Variants in EHD2 observed in about 807,000 individuals in gnomAD.
EHD2 encodes EH domain containing 2.
A neutral mutation model predicts 41.0 loss-of-function variants in EHD2; 27 were observed. The ratio of observed to expected loss-of-function variants is 0.66; its 90% CI spans 0.49 to 0.91. The LOEUF (loss-of-function observed/expected upper bound fraction) is 0.91, where lower values mean the gene tolerates loss of function less well. Among genes scored for constraint, EHD2 ranks in the 40% least tolerant of loss-of-function variants. The pLI is 0.00. For synonymous variants in EHD2, 342 were observed against 341.0 expected, an observed-to-expected ratio of 1.00 and a Z score of -0.03; for missense variants, 673 against 773.9, an observed-to-expected ratio of 0.87 and a Z score of 1.55.
chr19:47,736,656 C>A (rs956372479), intron 5 of EHD2, 123 bp downstream of exon 5: 7 of 1,089,024 alleles, frequency 6.4e-6, no homozygotes, highest in Non-Finnish European at 8.9e-6. Flanking sequence ...GCGCCTCCCT[C>A]AAATAGTTCC....
In EHD2 at chr19:47,742,265, TTCCTG is replaced by T. The variant is rs1015190041; in HGVS notation, c.*843_*847del. 1 of 285,430 alleles carries T rather than the reference TTCCTG, an allele frequency of 3.5e-6. No homozygotes were observed. The highest frequency in any genetic ancestry group is 6.7e-6 in the Non-Finnish European group (1 of 148,940). 17.7% of individuals were successfully genotyped at this position (285,430 alleles called of 1,614,324 possible). ...CCAGTTCTGTCCACACCCCTTCCCT[TTCCTG>T]TCCTGTCCTTTCTTTCTTTTTTGAT... On this transcript the variant is annotated 3_prime_UTR_variant, in exon 6 of 6. Transcript: ENST00000263277.
At position 47,725,770 on chromosome 19, in the gene EHD2, A is replaced by G. The variant is rs1195689735; in HGVS notation, c.503-42A>G. 2.1e-5 allele frequency: 32 copies of G among 1,541,546 alleles called. 1 individual carries two copies. Among genetic ancestry groups the G allele is most frequent in the Non-Finnish European group, 2.8e-5 (32 of 1,139,692 alleles). On this transcript the variant is annotated intron_variant, in intron 3 of 5. Coordinates refer to ENST00000263277, the MANE Select transcript of EHD2 (RefSeq NM_014601.4). ...AGAATGGCTGGAGGGTGGGGGTCTG[A>G]TTTCTGCCCCTTGCGCCCCTGTCTC...
At chr19:47,728,305 A>G (rs1380113242) in intron 4 of EHD2, among the ~76,000 whole-genome samples, 1 of 150,422 alleles carries the variant, frequency 6.6e-6, no homozygotes, top group Non-Finnish European at 1.5e-5. Flanking sequence ...CTTCCTGGAA[A>G]CCTCTTCTGC....
At position 47,725,935 on chromosome 19, in the gene EHD2, G is replaced by A. The variant is rs1973746296; in HGVS notation, c.626G>A (p.Gly209Asp). The stretch of plus-strand genomic sequence containing the variant: ...TCAGAGGCCATCGGCGCGTTGCGGG[G>A]CCATGAGGACAAGATCCGCGTGGTG... ...EFSEAIGALR[G>D]HEDKIRVVLN... Residue 209 changes from glycine to aspartate, a missense_variant, in exon 4 of 6, where the codon GGC (glycine) becomes GAC (aspartate). Coordinates refer to ENST00000263277, the MANE Select transcript of EHD2 (RefSeq NM_014601.4). 6.2e-7 allele frequency: 1 copy of A among 1,613,942 alleles called. No homozygotes were observed. Among genetic ancestry groups the A allele is most frequent in the East Asian group, 2.2e-5 (1 of 44,868 alleles).
intron 5 of EHD2, among the ~76,000 whole-genome samples, chr19:47,737,029 A>T (rs1193510632): frequency 6.6e-6 from 1 of 151,960 alleles, no homozygotes; most frequent in East Asian, 1.9e-4. Context: ...CAGCAGATCA[A>T]GACCATCCTG....
intron 4 of EHD2, among the ~76,000 whole-genome samples, chr19:47,733,777 C>CAAAAAAAAAAAAAA (rs1966894547): frequency 1.1e-4 from 6 of 55,994 alleles, no homozygotes; most frequent in South Asian, 8.7e-4. Context: ...AAAAAAAAAT[C>CAAAAAAAAAAAAAA]CACTGTCCAT....
chr19:47,716,708 G>C lies in EHD2; in HGVS notation c.96G>C (p.Lys32Asn). The C allele has an allele frequency of 6.2e-7, 1 of 1,612,868 alleles. No individual in the cohort carries two copies. The highest frequency in any genetic ancestry group is 1.1e-5 in the South Asian group (1 of 91,002). Residue 32 changes from lysine to asparagine, a missense_variant, in exon 2 of 6, where the codon AAG (lysine) becomes AAC (asparagine). Transcript: ENST00000263277. ...CCCTCAAGGAGCTGTACCGCACGAA[G>C]CTGCTGCCGCTGGAGGAGCACTACC... Reference protein sequence around the residue: ...TSALKELYRTKLLPLEEHYRF... With the variant: ...TSALKELYRTNLLPLEEHYRF...
intron 1 of EHD2, among the ~76,000 whole-genome samples, chr19:47,715,083 AG>A (rs1490626130): frequency 2.6e-5 from 4 of 151,564 alleles, no homozygotes; most frequent in Middle Eastern, 3.4e-3. Flanking sequence ...ATAAATAAAA[AG>A]AAAGAAAAGC....
chr19:47,731,279 A>AAAAAAAAAAAAAAAAAATTATATATATAT, intron 4 of EHD2: 11 of 60,928 alleles, frequency 1.8e-4, no homozygotes, highest in African/African-American at 5.4e-4. Flanking sequence ...AAAAAAAAAA[A>AAAAAAAAAAAAAAAAAATTATATATATAT]ATATATATAT....
rs1973810184 is a variant in EHD2 at position 47,731,287 on chromosome 19, TATATATATATATATAC to T, written c.916-5070_916-5055del. Reference sequence around the variant, plus strand: ...TTCTTTAAAAAAAAAAAAATATATATATATATATATATATACATATATATATAATTTTTTTTTTTTT... The same window carrying T: ...TTCTTTAAAAAAAAAAAAATATATATATATATATATAATTTTTTTTTTTTT... On this transcript the variant is annotated intron_variant, in intron 4 of 5. Transcript: ENST00000263277. 2 of 81,084 alleles carry T rather than the reference TATATATATATATATAC, an allele frequency of 2.5e-5. 1 individual carries two copies. The highest frequency in any genetic ancestry group is 6.0e-5 in the Non-Finnish European group (2 of 33,588). The allele number at this position is 81,084 out of a possible 1,614,324, so 5.0% of individuals were successfully genotyped here. A position where few individuals can be genotyped will look rare whatever the true frequency, so the allele number is the denominator to read the frequency against.
chr19:47,740,519 G>A (rs375656611), intron 5 of EHD2, among the ~76,000 whole-genome samples: 3 of 152,058 alleles, frequency 2.0e-5, no homozygotes, highest in East Asian at 1.9e-4. Flanking sequence ...AGGCTGAGGC[G>A]GGCGAATCAT....
chr19:47,717,635 G>A (rs560086516), intron 2 of EHD2, among the ~76,000 whole-genome samples: 8 of 152,190 alleles, frequency 5.3e-5, no homozygotes, highest in Admixed American at 3.9e-4. Flanking sequence ...GGCCAGGCCC[G>A]GTGGCTCACA....
intron 4 of EHD2, among the ~76,000 whole-genome samples, chr19:47,726,543 CCT>C (rs2123646483): frequency 8.2e-6 from 1 of 122,422 alleles, no homozygotes; most frequent in South Asian, 2.6e-4. Flanking sequence ...TCCTCCTCCT[CCT>C]CTTCTTCTCC....
rs187203467 is a variant in EHD2 at position 47,715,809 on chromosome 19, G to A, written c.-55-749G>A. On this transcript the variant is annotated intron_variant, in intron 1 of 5. Transcript: ENST00000263277. ...CCTATTTTTTTTGAAATGGAGTGTCGCTCTGTCAAGTGCAGTGGCGGGATC... is the reference window on the plus strand; with the variant it reads ...CCTATTTTTTTTGAAATGGAGTGTCACTCTGTCAAGTGCAGTGGCGGGATC... Among the ~76,000 whole-genome samples the A allele has an allele frequency of 3.9e-5, 6 of 151,964 alleles. No individual in the cohort carries two copies. The East Asian group carries it at 7.7e-4, about 20-fold the overall frequency.
chr19:47,725,705 AT>A, intron 3 of EHD2, 106 bp from the exon 4 acceptor site: 1 of 1,410,788 alleles, frequency 7.1e-7, no homozygotes, highest in Non-Finnish European at 9.5e-7. Flanking sequence ...CAACGTGAAC[AT>A]CTTTACAGTC....
At chr19:47,739,102 CACACTT>C (rs1966956752) in intron 5 of EHD2, among the ~76,000 whole-genome samples, 1 of 151,726 alleles carries the variant, frequency 6.6e-6, no homozygotes, top group Non-Finnish European at 1.5e-5. Flanking sequence ...TCCCCCCCTG[CACACTT>C]TTTTGTTTTG....
At chr19:47,731,279 A>AAAAAAAATATATATATAT in intron 4 of EHD2, 2 of 60,928 alleles carry the variant, frequency 3.3e-5, no homozygotes, top group African/African-American at 9.8e-5. Context: ...AAAAAAAAAA[A>AAAAAAAATATATATATAT]ATATATATAT....
rs1345926829 is a variant in EHD2 at position 47,719,422 on chromosome 19, G to A, written c.502+816G>A. On this transcript the variant is annotated intron_variant, in intron 3 of 5. Transcript: ENST00000263277. The surrounding 1 kb of genome is among the most constrained non-coding windows in gnomAD (Gnocchi z 4.1). ...CTGGAATTTATAAACAGCTGTGCAAGGAGAGTGGCGGGGGGTGGATTCCAG... is the reference window on the plus strand; with the variant it reads ...CTGGAATTTATAAACAGCTGTGCAAAGAGAGTGGCGGGGGGTGGATTCCAG... 6.6e-6 allele frequency among the ~76,000 whole-genome samples: 1 copy of A among 152,110 alleles called. No homozygotes were observed. Among genetic ancestry groups the A allele is most frequent in the Non-Finnish European group, 1.5e-5 (1 of 68,004 alleles).
At chr19:47,738,427 C>T (rs992643396) in intron 5 of EHD2, among the ~76,000 whole-genome samples, 49 of 152,062 alleles carry the variant, frequency 3.2e-4, no homozygotes, top group African/African-American at 1.2e-3. Context: ...CTCAGCCTCC[C>T]AAGTAGCTGA....
Sources: gnomAD v4.1 joint callset for allele counts (sites outside exome capture counted in the v4.1 genomes callset) on GRCh38, gnomAD v4.1.1 for gene constraint, Gnocchi (gnomAD v3.1) non-coding constraint, MANE v1.5 for transcripts, NCBI Gene and HGNC (gene_info 2026-07-23, HGNC 2026-07-21) for gene names.